Variants in GALNT18 observed in about 807,000 individuals in gnomAD.
GALNT18 encodes GalNAc-transferase 18.
Under a neutral mutation model 69.5 loss-of-function variants are expected in GALNT18, and 44 were observed. The observed-to-expected ratio is 0.63, with a 90% CI of 0.50 to 0.81. The LOEUF is 0.81. GALNT18 is among the 40% of genes least tolerant of loss of function. The pLI, the probability that GALNT18 is intolerant of heterozygous loss-of-function variation, is 0.00. For missense variants in GALNT18, 715 were observed against 810.0 expected (o/e 0.88, Z 1.42); for synonymous variants, 364 against 318.2 (o/e 1.14, Z -1.53).
At chr11:11,434,729 T>C (rs1855359265) in intron 2 of GALNT18, among the ~76,000 whole-genome samples, 1 of 151,998 alleles carries the variant, frequency 6.6e-6, no homozygotes, top group Non-Finnish European at 1.5e-5. Flanking sequence ...GGTGAAAGAA[T>C]GAAGGGAATA....
At chr11:11,414,263 C>A (rs1323468441) in intron 3 of GALNT18, among the ~76,000 whole-genome samples, 2 of 152,192 alleles carry the variant, frequency 1.3e-5, no homozygotes, top group Non-Finnish European at 2.9e-5. Flanking sequence ...CAAAAATGCC[C>A]ATTTGCATAC....
chr11:11,391,648 G>A (rs889171909), intron 3 of GALNT18, among the ~76,000 whole-genome samples: 1 of 152,152 alleles, frequency 6.6e-6, no homozygotes, highest in Non-Finnish European at 1.5e-5. Context: ...TATACTCTTA[G>A]GCCCGTCTTA....
intron 2 of GALNT18, among the ~76,000 whole-genome samples, chr11:11,443,298 C>CCCT (rs749941741): frequency 6.6e-6 from 1 of 152,108 alleles, no homozygotes; most frequent in Admixed American, 6.5e-5. Flanking sequence ...AAAAGATGTC[C>CCCT]CCTCCTCCTA....
At chr11:11,296,420 T>G (rs7117449) in intron 9 of GALNT18, among the ~76,000 whole-genome samples, 55,890 of 152,078 alleles carry the variant, frequency 0.37, 10,316 homozygotes, top group Admixed American at 0.39. Flanking sequence ...TTGAATGCAC[T>G]GTGACCTCCT....
At chr11:11,272,792 C>T (rs7123377) in intron 10 of GALNT18, among the ~76,000 whole-genome samples, 90,250 of 151,906 alleles carry the variant, frequency 0.59, 27,518 homozygotes, top group Middle Eastern at 0.74. Context: ...GTGCTCTTCA[C>T]TTTGTGCCTT....
At position 11,437,699 on chromosome 11, in the gene GALNT18, C is replaced by A. The variant is rs568298441; in HGVS notation, c.429-4912G>T. 3.2e-3 allele frequency among the ~76,000 whole-genome samples: 457 copies of A among 143,556 alleles called. 2 individuals are homozygous for A. Among genetic ancestry groups the A allele is most frequent in the African/African-American group, 0.012 (441 of 38,184 alleles). The allele number at this position is 143,556 out of a possible 152,430, so 94.2% of individuals were successfully genotyped here. On this transcript the variant is annotated intron_variant, in intron 2 of 10. Transcript: ENST00000227756. Reference sequence around the variant, plus strand: ...CAGACCCTCCCCTCTTTGACCTCAGCAAGTCTGCAAGGTCCTAGTCTATCA... The same window carrying A: ...CAGACCCTCCCCTCTTTGACCTCAGAAAGTCTGCAAGGTCCTAGTCTATCA...
chr11:11,456,469 C>T (rs1473702449), intron 1 of GALNT18, among the ~76,000 whole-genome samples: 1 of 152,202 alleles, frequency 6.6e-6, no homozygotes, highest in Admixed American at 6.5e-5. Context: ...CAAACAGCTG[C>T]CGCCTAAAAT....
chr11:11,366,352 C>A (rs1850768463), intron 6 of GALNT18, among the ~76,000 whole-genome samples: 2 of 152,124 alleles, frequency 1.3e-5, no homozygotes, highest in Non-Finnish European at 2.9e-5. Context: ...AAATAAAGCA[C>A]TACATAAAAT....
At position 11,438,247 on chromosome 11, in the gene GALNT18, T is replaced by C. The variant is rs1189977418; in HGVS notation, c.429-5460A>G. ...ATTCCCAGGCCTGTCAGCTCCCAGA[T>C]GGCAGGACATAATAAAACCAGAGGA... is the stretch of plus-strand genomic sequence containing the variant. On this transcript the variant is annotated intron_variant, in intron 2 of 10. Transcript: ENST00000227756. Among the ~76,000 whole-genome samples the C allele has an allele frequency of 5.3e-5, 8 of 152,156 alleles. No individual in the cohort carries two copies. The East Asian group carries it at 1.5e-3, about 29-fold the overall frequency.
Position 11,359,438 on chromosome 11 carries a change from C to T in GALNT18, c.1092+13077G>A, listed in dbSNP as rs192623327. On this transcript the variant is annotated intron_variant, in intron 6 of 10. Transcript: ENST00000227756. ...CTGTTCTAGGCAATTGCTAGGGACCCTTCCTTGCTTTCTCTTCCTCCTCTT... is the reference window on the plus strand; with the variant it reads ...CTGTTCTAGGCAATTGCTAGGGACCTTTCCTTGCTTTCTCTTCCTCCTCTT... Among the ~76,000 whole-genome samples, 4 of 91,562 alleles carry T rather than the reference C, an allele frequency of 4.4e-5. 1 individual carries two copies. The East Asian group carries it at 8.1e-4, about 19-fold the overall frequency. 60.1% of individuals were successfully genotyped at this position (91,562 alleles called of 152,430 possible).
Position 11,436,271 on chromosome 11 carries a change from A to T in GALNT18, c.429-3484T>A, listed in dbSNP as rs1438220578. On this transcript the variant is annotated intron_variant, in intron 2 of 10. Transcript: ENST00000227756. The surrounding 1 kb of genome is among the most constrained non-coding windows in gnomAD (Gnocchi z 4.5). Reference sequence around the variant, plus strand: ...CAGAATAAGGAAATGGGAAGAAAGGATCACTCAGATGGCTTCTCTCCACAA... The same window carrying T: ...CAGAATAAGGAAATGGGAAGAAAGGTTCACTCAGATGGCTTCTCTCCACAA... Among the ~76,000 whole-genome samples the T allele has an allele frequency of 1.3e-5, 2 of 152,308 alleles. No individual in the cohort carries two copies. Among genetic ancestry groups the T allele is most frequent in the African/African-American group, 4.8e-5 (2 of 41,574 alleles).
chr11:11,326,615 A>C (rs909894665), intron 9 of GALNT18, among the ~76,000 whole-genome samples: 1 of 152,190 alleles, frequency 6.6e-6, no homozygotes, highest in Non-Finnish European at 1.5e-5. Flanking sequence ...GCTGGAAAGA[A>C]GGACCATGGC....
chr11:11,361,255 G>A lies in GALNT18; in HGVS notation c.1092+11260C>T, dbSNP rs568561960. On this transcript the variant is annotated intron_variant, in intron 6 of 10. Transcript: ENST00000227756. ...ACAACGCTATGCCTTCTTAGACCAG[G>A]CATAAATGGCTTCTGAAGCCACCTT... Among the ~76,000 whole-genome samples, 10 of 152,268 alleles carry A rather than the reference G, an allele frequency of 6.6e-5. No homozygotes were observed. The South Asian group carries it at 2.1e-3, about 32-fold the overall frequency.
chr11:11,395,125 A>T (rs1854296978), intron 3 of GALNT18, among the ~76,000 whole-genome samples: 1 of 152,232 alleles, frequency 6.6e-6, no homozygotes. Context: ...CCAGGCACCC[A>T]TCTTTAAGTA....
At chr11:11,499,003 T>C (rs2133896025) in intron 1 of GALNT18, among the ~76,000 whole-genome samples, 1 of 152,322 alleles carries the variant, frequency 6.6e-6, no homozygotes. Flanking sequence ...ACAGAGCAAA[T>C]TGTGCTCTTG....
intron 1 of GALNT18, among the ~76,000 whole-genome samples, chr11:11,502,606 T>C (rs925201730): frequency 6.6e-6 from 1 of 152,218 alleles, no homozygotes; most frequent in African/African-American, 2.4e-5. Context: ...TGGGTCTGTT[T>C]ATGTGTCTGT....
Position 11,542,964 on chromosome 11 carries a change from A to G in GALNT18, c.235+78395T>C, listed in dbSNP as rs1487950882. Among the ~76,000 whole-genome samples the G allele has an allele frequency of 2.6e-5, 4 of 152,240 alleles. No homozygotes were observed. The highest frequency in any genetic ancestry group is 9.6e-5 in the African/African-American group (4 of 41,458). On this transcript the variant is annotated intron_variant, in intron 1 of 10. Coordinates refer to ENST00000227756, the MANE Select transcript of GALNT18 (RefSeq NM_198516.3). This position sits in a 1 kb window ranked among gnomAD's most constrained non-coding sequence, Gnocchi z 4.3. Reference sequence around the variant, plus strand: ...AGTTCGTGGGTGAGGAGCAGGGTGCATGGAACCCCTGCAGCCTTTTCTACT... The same window carrying G: ...AGTTCGTGGGTGAGGAGCAGGGTGCGTGGAACCCCTGCAGCCTTTTCTACT...
chr11:11,352,894 T>C, intron 6 of GALNT18: 1 of 1,614,194 alleles, frequency 6.2e-7, no homozygotes, highest in Non-Finnish European at 8.5e-7. Flanking sequence ...TTAATTTTCT[T>C]CTTTTTTACT....
At chr11:11,545,033 C>G (rs1858016459) in intron 1 of GALNT18, among the ~76,000 whole-genome samples, 1 of 152,220 alleles carries the variant, frequency 6.6e-6, no homozygotes, top group South Asian at 2.1e-4. Flanking sequence ...TACAGAGTAT[C>G]AGATCATTCC....
Sources: gnomAD v4.1 joint callset for allele counts (sites outside exome capture counted in the v4.1 genomes callset) on GRCh38, gnomAD v4.1.1 for gene constraint, Gnocchi (gnomAD v3.1) non-coding constraint, MANE v1.5 for transcripts, NCBI Gene and HGNC (gene_info 2026-07-23, HGNC 2026-07-21) for gene names.